PLA2G4A: variants seen among roughly 807,000 people sequenced by gnomAD.
PLA2G4A encodes the protein cytosolic phospholipase A2.
In PLA2G4A, 40 loss-of-function variants were observed where a neutral mutation model predicts 81.9. That is an observed-to-expected ratio of 0.49 (90% CI 0.38 to 0.64). The LOEUF (loss-of-function observed/expected upper bound fraction) is 0.64, where lower values mean the gene tolerates loss of function less well. Among genes scored for constraint, PLA2G4A ranks in the 30% least tolerant of loss-of-function variants. The pLI is 0.00. For missense variants in PLA2G4A, 715 were observed against 905.1 expected (o/e 0.79, Z 2.69); for synonymous variants, 302 against 296.9 (o/e 1.02, Z -0.18).
rs942837438 is a variant in PLA2G4A, at chr1:186,846,649, T to C, written c.-69-7637T>C. On this transcript the variant is annotated intron_variant, in intron 1 of 17. Coordinates refer to ENST00000367466, the MANE Select transcript of PLA2G4A (RefSeq NM_024420.3). ...TATATACATTCAATTTTATCCGGTG[T>C]GACAACCTCTACTTTTTTATTAGAA... 3.3e-5 allele frequency among the ~76,000 whole-genome samples: 5 copies of C among 152,166 alleles called. No homozygotes were observed. The East Asian group carries it at 7.7e-4, about 23-fold the overall frequency.
At chr1:186,953,832 G>C (rs532827758) in intron 13 of PLA2G4A, among the ~76,000 whole-genome samples, 1 of 152,158 alleles carries the variant, frequency 6.6e-6, no homozygotes, top group Admixed American at 6.5e-5. Context: ...TATTGAATAA[G>C]AAGAAGAAAA....
chr1:186,863,342 T>C (rs1327763060), intron 2 of PLA2G4A, among the ~76,000 whole-genome samples: 1 of 152,202 alleles, frequency 6.6e-6, no homozygotes, highest in Non-Finnish European at 1.5e-5. Flanking sequence ...GACACTTCAC[T>C]TTTTAAAATT....
chr1:186,919,834 G>T (rs185350689), intron 7 of PLA2G4A, among the ~76,000 whole-genome samples: 1 of 152,180 alleles, frequency 6.6e-6, no homozygotes, highest in East Asian at 1.9e-4. Context: ...TTGACCAAGC[G>T]CAAGTCCTGT....
chr1:186,959,201 CAA>C (rs10707298), intron 14 of PLA2G4A, among the ~76,000 whole-genome samples: 1 of 151,254 alleles, frequency 6.6e-6, no homozygotes, highest in African/African-American at 2.4e-5. Context: ...GACTCCATCT[CAA>C]AAAAAAAATA....
At chr1:186,942,193 G>A (rs1656178230) in intron 10 of PLA2G4A, among the ~76,000 whole-genome samples, 1 of 152,150 alleles carries the variant, frequency 6.6e-6, no homozygotes, top group African/African-American at 2.4e-5. Flanking sequence ...TCATAGTAGA[G>A]AGTTGAGACT....
chr1:186,893,161 T>C lies in PLA2G4A; in HGVS notation c.264+2T>C. The C allele has an allele frequency of 5.6e-6, 9 of 1,610,826 alleles. No individual in the cohort carries two copies. Among genetic ancestry groups the C allele is most frequent in the Non-Finnish European group, 7.6e-6 (9 of 1,177,104 alleles). Reference sequence around the variant, plus strand: ...CCTAATCAGGAAAATGTTTTGGAGGTAAGTGAACCATTTGGATGCTGTTAG... The same window carrying C: ...CCTAATCAGGAAAATGTTTTGGAGGCAAGTGAACCATTTGGATGCTGTTAG... On this transcript the variant is annotated splice_donor_variant, in intron 4 of 17. Coordinates refer to ENST00000367466, the MANE Select transcript of PLA2G4A (RefSeq NM_024420.3). LOFTEE classifies it high-confidence loss of function.
chr1:186,869,038 T>G (rs953176347), intron 2 of PLA2G4A, among the ~76,000 whole-genome samples: 2 of 152,082 alleles, frequency 1.3e-5, no homozygotes, highest in Non-Finnish European at 2.9e-5. Context: ...TTTATTGATT[T>G]CTGTTCTAAT....
At chr1:186,941,734 C>A (rs898327639) in intron 10 of PLA2G4A, among the ~76,000 whole-genome samples, 2 of 152,124 alleles carry the variant, frequency 1.3e-5, no homozygotes, top group African/African-American at 4.8e-5. Flanking sequence ...TCTTTCCTCA[C>A]CACAATATAT....
At chr1:186,849,822 A>T (rs1652311194) in intron 1 of PLA2G4A, among the ~76,000 whole-genome samples, 2 of 152,116 alleles carry the variant, frequency 1.3e-5, no homozygotes, top group Admixed American at 1.3e-4. Flanking sequence ...AAGGGAATGT[A>T]TCTAGCTCCT....
chr1:186,845,540 T>C (rs1275109138), intron 1 of PLA2G4A, among the ~76,000 whole-genome samples: 1 of 152,136 alleles, frequency 6.6e-6, no homozygotes, highest in East Asian at 1.9e-4. Context: ...TGCTGCCACT[T>C]AAATGCTCAA....
chr1:186,868,259 G>A (rs1653108919), intron 2 of PLA2G4A, among the ~76,000 whole-genome samples: 1 of 151,832 alleles, frequency 6.6e-6, no homozygotes, highest in Non-Finnish European at 1.5e-5. Flanking sequence ...TGTATTTTTA[G>A]TAGAGATGGG....
In PLA2G4A at chr1:186,979,372, A is replaced by G. The variant is rs1437588102; in HGVS notation, c.2018A>G (p.Asp673Gly). The G allele has an allele frequency of 1.2e-6, 2 of 1,608,802 alleles. No homozygotes were observed. The highest frequency in any genetic ancestry group is 1.7e-6 in the Non-Finnish European group (2 of 1,175,128). Reference sequence around the variant, plus strand: ...ATCGCTGACTTTGATATTTTTGATGACCCAGAATCACCATTTTCAACCTTC... The same window carrying G: ...ATCGCTGACTTTGATATTTTTGATGGCCCAGAATCACCATTTTCAACCTTC... Reference protein sequence around the residue: ...KEIADFDIFDDPESPFSTFNF... With the variant: ...KEIADFDIFDGPESPFSTFNF... The change falls in exon 17 of 18, where the codon GAC becomes GGC. Residue 673 changes from aspartate (D) to glycine (G), a missense_variant. Coordinates refer to ENST00000367466, the MANE Select transcript of PLA2G4A (RefSeq NM_024420.3).
intron 8 of PLA2G4A, among the ~76,000 whole-genome samples, chr1:186,933,835 T>A (rs1655836671): frequency 6.6e-6 from 1 of 152,194 alleles, no homozygotes; most frequent in Non-Finnish European, 1.5e-5. Context: ...AGCTAGCATA[T>A]AAACTCAGGC....
intron 8 of PLA2G4A, 33 bp downstream of exon 8, chr1:186,932,932 C>T: frequency 6.7e-7 from 1 of 1,496,412 alleles, no homozygotes; most frequent in Non-Finnish European, 9.3e-7. Context: ...AGTTTTATAA[C>T]TTTAAATATT....
intron 17 of PLA2G4A, among the ~76,000 whole-genome samples, chr1:186,984,728 A>G (rs1338992557): frequency 6.6e-6 from 1 of 152,298 alleles, no homozygotes; most frequent in South Asian, 2.1e-4. Context: ...AATGCTGCCT[A>G]TGATCTCTTT....
At chr1:186,962,629 C>T (rs1374618236) in intron 14 of PLA2G4A, among the ~76,000 whole-genome samples, 2 of 152,190 alleles carry the variant, frequency 1.3e-5, no homozygotes, top group East Asian at 1.9e-4. Context: ...TCACGCCATT[C>T]TCCTGCCTCA....
chr1:186,883,572 C>T (rs1233528438), intron 3 of PLA2G4A, among the ~76,000 whole-genome samples: 3 of 152,054 alleles, frequency 2.0e-5, no homozygotes, highest in African/African-American at 2.4e-5. Flanking sequence ...GCCTCGCTTC[C>T]TTTTGAAGAA....
At chr1:186,900,991 G>GA (rs1329384535) in intron 5 of PLA2G4A, among the ~76,000 whole-genome samples, 2 of 152,054 alleles carry the variant, frequency 1.3e-5, no homozygotes, top group African/African-American at 4.8e-5. Context: ...TGATAAAGCT[G>GA]AAAAAAAGAA....
At chr1:186,928,911 C>T (rs1038966070) in intron 7 of PLA2G4A, among the ~76,000 whole-genome samples, 8 of 152,118 alleles carry the variant, frequency 5.3e-5, no homozygotes, top group African/African-American at 1.9e-4. Context: ...AATATAACCC[C>T]AGACCTTCTC....
Sources: gnomAD v4.1 joint callset for allele counts (sites outside exome capture counted in the v4.1 genomes callset) on GRCh38, gnomAD v4.1.1 for gene constraint, MANE v1.5 for transcripts, NCBI Gene and HGNC (gene_info 2026-07-23, HGNC 2026-07-21) for gene names.